Variants in ACCSL observed in about 807,000 individuals in gnomAD.
The protein encoded by ACCSL is probable inactive 1-aminocyclopropane-1-carboxylate synthase-like protein 2.
In ACCSL, 55 loss-of-function variants were observed where a neutral mutation model predicts 61.7. The ratio of observed to expected loss-of-function variants is 0.89; its 90% CI spans 0.72 to 1.12. ACCSL has a LOEUF of 1.12. Ranked by LOEUF, ACCSL falls within the 50% of genes most tolerant of loss-of-function variation. ACCSL has a pLI of 0.00. For synonymous variants in ACCSL, 258 were observed against 264.3 expected, an observed-to-expected ratio of 0.98 and a Z score of 0.23; for missense variants, 632 against 698.0, an observed-to-expected ratio of 0.91 and a Z score of 1.07.
the ACCSL span, among the ~76,000 whole-genome samples, chr11:44,005,669 T>C: frequency 6.6e-6 from 1 of 152,134 alleles, no homozygotes; most frequent in Non-Finnish European, 1.5e-5. Flanking sequence ...TCCCCGGACG[T>C]GCCCAGATTT....
chr11:44,050,239 GA>G, intron 2 of ACCSL, 118 bp downstream of exon 2: 1 of 868,218 alleles, frequency 1.2e-6, no homozygotes, highest in Non-Finnish European at 1.9e-6. Flanking sequence ...GAGGAGTGAA[GA>G]AATAGCTTCT....
the ACCSL span, among the ~76,000 whole-genome samples, chr11:43,928,969 C>G: frequency 1.3e-5 from 2 of 152,206 alleles, no homozygotes; most frequent in Non-Finnish European, 2.9e-5. Context: ...GAAAGACTGC[C>G]AGCAACCAGC....
chr11:43,925,325 T>A, the ACCSL span: 1 of 455,398 alleles, frequency 2.2e-6, no homozygotes, highest in Admixed American at 2.4e-5. Context: ...CTGAGAGGCC[T>A]GGTGACAAGA....
chr11:44,017,544 T>C, the ACCSL span, among the ~76,000 whole-genome samples: 1 of 152,184 alleles, frequency 6.6e-6, no homozygotes, highest in African/African-American at 2.4e-5. Context: ...GTTAGTGTTC[T>C]CCCAGGCTTG....
chr11:43,965,574 C>T, the ACCSL span, among the ~76,000 whole-genome samples: 1 of 152,086 alleles, frequency 6.6e-6, no homozygotes, highest in Non-Finnish European at 1.5e-5. Context: ...ATACCAATGA[C>T]CTTTTAAAAA....
chr11:44,043,709 A>G (rs973295890), upstream of ACCSL, among the ~76,000 whole-genome samples: 13 of 152,082 alleles, frequency 8.5e-5, no homozygotes, highest in Admixed American at 7.9e-4. Flanking sequence ...ATTTTTTCAT[A>G]TTCTCTTACT....
chr11:43,942,172 G>T, the ACCSL span: 2 of 153,680 alleles, frequency 1.3e-5, no homozygotes, highest in Non-Finnish European at 2.9e-5. Context: ...GCTCAGGCTC[G>T]CCAGGCTGCA....
At chr11:44,030,544 T>G in the ACCSL span, among the ~76,000 whole-genome samples, 1 of 147,364 alleles carries the variant, frequency 6.8e-6, no homozygotes, top group African/African-American at 2.4e-5. Flanking sequence ...CCTCCCCTCA[T>G]GGGGAAAGAA....
the ACCSL span, among the ~76,000 whole-genome samples, chr11:43,970,571 C>A: frequency 6.6e-6 from 1 of 152,148 alleles, no homozygotes; most frequent in African/African-American, 2.4e-5. Context: ...TTTTAGCAAC[C>A]AACAACAATT....
the ACCSL span, among the ~76,000 whole-genome samples, chr11:44,003,250 C>A: frequency 2.6e-5 from 4 of 152,198 alleles, no homozygotes; most frequent in Non-Finnish European, 4.4e-5. Flanking sequence ...ATGGTGTTTG[C>A]AGCCACTGCC....
upstream of ACCSL, among the ~76,000 whole-genome samples, chr11:44,043,300 C>T (rs1008366152): frequency 6.6e-6 from 1 of 152,106 alleles, no homozygotes; most frequent in East Asian, 1.9e-4. Flanking sequence ...CTACACGCCT[C>T]CCCTGGCAAC....
At chr11:43,980,893 C>A in the ACCSL span, among the ~76,000 whole-genome samples, 1 of 151,536 alleles carries the variant, frequency 6.6e-6, no homozygotes, top group African/African-American at 2.4e-5. Flanking sequence ...GAAAGTGAGG[C>A]TCAGAAGCGT....
chr11:43,930,025 G>A, the ACCSL span, among the ~76,000 whole-genome samples: 33 of 152,206 alleles, frequency 2.2e-4, no homozygotes, highest in Non-Finnish European at 2.8e-4. Context: ...GTGGGAAGAG[G>A]AAACGCAGAG....
chr11:44,057,196 C>G (rs984648475), intron 11 of ACCSL, among the ~76,000 whole-genome samples: 1 of 152,194 alleles, frequency 6.6e-6, no homozygotes, highest in Non-Finnish European at 1.5e-5. Flanking sequence ...GGACTTTCCC[C>G]TTTAAAGCCA....
At chr11:44,018,370 C>T in the ACCSL span, among the ~76,000 whole-genome samples, 1 of 152,026 alleles carries the variant, frequency 6.6e-6, no homozygotes, top group Non-Finnish European at 1.5e-5. Flanking sequence ...GAACTGATAG[C>T]AGGAGCCCCA....
the ACCSL span, among the ~76,000 whole-genome samples, chr11:44,007,179 T>C: frequency 6.6e-6 from 1 of 152,234 alleles, no homozygotes; most frequent in South Asian, 2.1e-4. Flanking sequence ...GCCTCAGGCC[T>C]GCTCTGGTTT....
chr11:44,051,770 G>A (rs1275315574), intron 5 of ACCSL, 51 bp downstream of exon 5: 2 of 1,604,610 alleles, frequency 1.2e-6, no homozygotes, highest in African/African-American at 2.7e-5. Flanking sequence ...AGCAACACAG[G>A]TAGGAACACA....
At position 44,053,069 on chromosome 11, in the gene ACCSL, G is replaced by A. The variant is rs752999492; in HGVS notation, c.948+1G>A. On this transcript the variant is annotated splice_donor_variant, in intron 7 of 13. Coordinates refer to ENST00000378832, the MANE Select transcript of ACCSL (RefSeq NM_001031854.2). LOFTEE classifies it high-confidence loss of function. ...AGCCCTGCTTGAAGCTAGGCTTGAG[G>A]TAAGGTGGGAACCATATTTTTAGGA... 1.9e-6 allele frequency: 3 copies of A among 1,613,482 alleles called. No homozygotes were observed. Among genetic ancestry groups the A allele is most frequent in the South Asian group, 1.1e-5 (1 of 91,060 alleles).
chr11:43,942,954 C>T, the ACCSL span: 1 of 1,475,746 alleles, frequency 6.8e-7, no homozygotes. Flanking sequence ...AGTTACCAGG[C>T]GGTGATGCCG....
Sources: allele counts gnomAD v4.1 joint callset (sites outside exome capture counted in the v4.1 genomes callset), GRCh38; gene constraint gnomAD v4.1.1; transcripts MANE v1.5; gene names NCBI Gene and HGNC (gene_info 2026-07-23, HGNC 2026-07-21).